The following QPCTL variants were observed in gnomAD, a reference collection of about 807,000 sequenced individuals.
QPCTL encodes the protein glutaminyl-peptide cyclotransferase-like protein.
In QPCTL, 31 loss-of-function variants were observed where a neutral mutation model predicts 34.6. The observed-to-expected ratio is 0.90, with a 90% CI of 0.67 to 1.21. The LOEUF is 1.21. Ranked by LOEUF, QPCTL falls within the 50% of genes most tolerant of loss-of-function variation. QPCTL has a pLI of 0.00. For synonymous variants in QPCTL, 223 were observed against 226.9 expected (o/e 0.98, Z 0.15); for missense variants, 474 against 507.8 (o/e 0.93, Z 0.64).
At chr19:45,701,457 G>A (rs1181685546) in intron 5 of QPCTL, among the ~76,000 whole-genome samples, 2 of 151,954 alleles carry the variant, frequency 1.3e-5, no homozygotes, top group South Asian at 2.1e-4. Context: ...TGTATTTTTA[G>A]TAGAGACAGG....
At chr19:45,702,847 G>T in intron 6 of QPCTL, 57 bp from the exon 7 acceptor site, 1 of 1,608,526 alleles carries the variant, frequency 6.2e-7, no homozygotes, top group South Asian at 1.1e-5. Flanking sequence ...TTGGGCTTGG[G>T]CTCCTGGGTT....
At chr19:45,696,644 G>T (rs1010401383) in intron 3 of QPCTL, among the ~76,000 whole-genome samples, 1 of 151,690 alleles carries the variant, frequency 6.6e-6, no homozygotes, top group Non-Finnish European at 1.5e-5. Context: ...GAGGCTGAGA[G>T]GGGAGGATGG....
chr19:45,694,053 G>A (rs957842287), intron 2 of QPCTL, among the ~76,000 whole-genome samples: 1 of 152,094 alleles, frequency 6.6e-6, no homozygotes, highest in African/African-American at 2.4e-5. Flanking sequence ...AGCTGGTGCT[G>A]TAATGTATCT....
Position 45,702,971 on chromosome 19 carries a change from G to A in QPCTL, c.1071G>A (p.Glu357=), listed in dbSNP as rs963531217. ...PAVWHTPADT[E]VNLHPPTVHN... is the part of the protein sequence containing the mutation. The stretch of plus-strand genomic sequence containing the variant: ...TCTGGCACACCCCTGCGGACACCGA[G>A]GTCAATCTCCACCCACCCACGGTAC... Residue 357 remains glutamate (E), a synonymous_variant, in exon 7 of 7, where the codon GAG becomes GAA. Coordinates refer to ENST00000012049, the MANE Select transcript of QPCTL (RefSeq NM_017659.4). 2 of 1,613,870 alleles carry A rather than the reference G, an allele frequency of 1.2e-6. No homozygotes were observed. The highest frequency in any genetic ancestry group is 1.7e-6 in the Non-Finnish European group (2 of 1,179,998).
intron 3 of QPCTL, among the ~76,000 whole-genome samples, chr19:45,696,038 C>T (rs1393688144): frequency 1.3e-5 from 2 of 152,022 alleles, no homozygotes; most frequent in African/African-American, 4.8e-5. Context: ...CTGGTCATCA[C>T]AGGGATCTTT....
In QPCTL at chr19:45,701,762, GACTAAC is replaced by G. The variant is rs762910555; in HGVS notation, c.887-35_887-30del. 4.6e-6 allele frequency: 7 copies of G among 1,536,276 alleles called. 1 individual carries two copies. In the East Asian group the frequency reaches 1.6e-4, roughly 35 times the overall value. Reference sequence around the variant, plus strand: ...GGACTGGGGACCTTCGACTACTAAGGACTAACCCTTCCTCTCTAATCGCCCCCACTT... The same window carrying G: ...GGACTGGGGACCTTCGACTACTAAGGCCTTCCTCTCTAATCGCCCCCACTT... On this transcript the variant is annotated intron_variant, in intron 5 of 6. Transcript: ENST00000012049.
At chr19:45,701,013 A>G (rs991917978) in intron 5 of QPCTL, among the ~76,000 whole-genome samples, 1 of 151,486 alleles carries the variant, frequency 6.6e-6, no homozygotes, top group African/African-American at 2.4e-5. Context: ...TCATGCCTGT[A>G]GTCCCAGAAA....
intron 6 of QPCTL, 100 bp from the exon 7 acceptor site, chr19:45,702,804 A>C: frequency 7.4e-7 from 1 of 1,357,618 alleles, no homozygotes; most frequent in Non-Finnish European, 1.0e-6. Flanking sequence ...ATCTTTCACC[A>C]GTGTGTGGTG....
chr19:45,697,473 G>A (rs1293374222), intron 3 of QPCTL, among the ~76,000 whole-genome samples: 1 of 151,192 alleles, frequency 6.6e-6, no homozygotes, highest in Non-Finnish European at 1.5e-5. Context: ...GAAAAACACA[G>A]ATTTAATCAT....
chr19:45,701,988 C>T, intron 6 of QPCTL, 74 bp downstream of exon 6: 1 of 1,262,452 alleles, frequency 7.9e-7, no homozygotes, highest in Non-Finnish European at 1.1e-6. Context: ...AGTCCCCTTC[C>T]CAGGGCTGGG....
intron 6 of QPCTL, among the ~76,000 whole-genome samples, chr19:45,702,231 G>A (rs6509232): frequency 0.062 from 9,346 of 151,640 alleles, 377 homozygotes; most frequent in African/African-American, 0.11. Context: ...CGGGGTGGCG[G>A]GGGGGGATCC....
Position 45,695,836 on chromosome 19 carries a change from A to G in QPCTL, c.633+118A>G. 5 of 1,174,510 alleles carry G rather than the reference A, an allele frequency of 4.3e-6. No individual in the cohort carries two copies. In the South Asian group the frequency reaches 4.9e-5, roughly 12 times the overall value. The allele number at this position is 1,174,510 out of a possible 1,614,324, so 72.8% of individuals were successfully genotyped here. On this transcript the variant is annotated intron_variant, in intron 3 of 6. Transcript: ENST00000012049. Reference sequence around the variant, plus strand: ...TCTTCCCACTCTACTCCACGCACAGAGCCACAGGGATCTTTTTTTTTTTTT... The same window carrying G: ...TCTTCCCACTCTACTCCACGCACAGGGCCACAGGGATCTTTTTTTTTTTTT...
chr19:45,701,986 T>G, intron 6 of QPCTL, 72 bp downstream of exon 6: 1 of 1,267,242 alleles, frequency 7.9e-7, no homozygotes, highest in Non-Finnish European at 1.1e-6. Context: ...CAAGTCCCCT[T>G]CCCAGGGCTG....
intron 1 of QPCTL, among the ~76,000 whole-genome samples, 160 bp downstream of exon 1, chr19:45,693,070 G>A (rs756406924): frequency 1.3e-5 from 2 of 152,206 alleles, no homozygotes; most frequent in Non-Finnish European, 2.9e-5. Context: ...CTTCGGGCTG[G>A]TTCTGCAACA....
intron 3 of QPCTL, among the ~76,000 whole-genome samples, chr19:45,697,443 A>AG (rs1491151482): frequency 6.6e-6 from 1 of 151,792 alleles, no homozygotes. Context: ...AAAAAAAGAA[A>AG]GAAAAAAAAG....
At chr19:45,699,729 G>A in intron 5 of QPCTL, among the ~76,000 whole-genome samples, 1 of 151,932 alleles carries the variant, frequency 6.6e-6, no homozygotes, top group East Asian at 1.9e-4. Context: ...TTAGGAGTTT[G>A]AGACCAGCCT....
In QPCTL at chr19:45,698,886, G is replaced by A. The variant is rs755135628; in HGVS notation, c.872G>A (p.Arg291Gln). 21 of 1,613,740 alleles carry A rather than the reference G, an allele frequency of 1.3e-5. No individual in the cohort carries two copies. The South Asian group carries it at 1.3e-4, about 10-fold the overall frequency. The change falls in exon 5 of 7, where the codon CGG becomes CAG. Residue 291 changes from arginine (R) to glutamine (Q), a missense_variant. Coordinates refer to ENST00000012049, the MANE Select transcript of QPCTL (RefSeq NM_017659.4). Reference protein sequence around the residue: ...HFPRTVRWFHRLRSIEKRLHR... With the variant: ...HFPRTVRWFHQLRSIEKRLHR... The stretch of plus-strand genomic sequence containing the variant: ...CCTCGCACGGTCCGCTGGTTCCATC[G>A]GCTGAGGAGCATTGGTAAGGGTGAA...
intron 1 of QPCTL, 85 bp downstream of exon 1, chr19:45,692,995 G>A: frequency 7.4e-7 from 1 of 1,351,968 alleles, no homozygotes; most frequent in Non-Finnish European, 9.9e-7. Flanking sequence ...TTTAGCGTAC[G>A]GCCCTAACCG....
Position 45,693,543 on chromosome 19 carries a change from T to G in QPCTL, c.338T>G (p.Leu113Arg), listed in dbSNP as rs763473062. 1 of 1,611,474 alleles carries G rather than the reference T, an allele frequency of 6.2e-7. No individual in the cohort carries two copies. The highest frequency in any genetic ancestry group is 1.7e-5 in the Admixed American group (1 of 59,810). Residue 113 changes from leucine (L) to arginine (R), a missense_variant, in exon 2 of 7, where the codon CTC becomes CGC. Transcript: ENST00000012049. Reference sequence around the variant, plus strand: ...CGAACCCCGGGCAGCCCGGGAAATCTCCAAGTCAGAAAGGTAAAGGGACCC... The same window carrying G: ...CGAACCCCGGGCAGCCCGGGAAATCGCCAAGTCAGAAAGGTAAAGGGACCC... Reference protein sequence around the residue: ...VVRTPGSPGNLQVRKFLEATL... With the variant: ...VVRTPGSPGNRQVRKFLEATL...
Sources: allele counts gnomAD v4.1 joint callset (sites outside exome capture counted in the v4.1 genomes callset), GRCh38; gene constraint gnomAD v4.1.1; transcripts MANE v1.5; gene names NCBI Gene and HGNC (gene_info 2026-07-23, HGNC 2026-07-21).